Variants in TMEM52B observed in about 807,000 individuals in gnomAD.
The protein encoded by TMEM52B is chromosome 12 open reading frame 59.
A neutral mutation model predicts 16.1 loss-of-function variants in TMEM52B; 11 were observed. That is an observed-to-expected ratio of 0.68 (90% confidence interval 0.43 to 1.13). The LOEUF is 1.13. Among genes scored for constraint, TMEM52B ranks in the 50% most tolerant of loss-of-function variants. TMEM52B has a pLI of 0.00. For missense variants in TMEM52B, 243 were observed against 230.4 expected, an observed-to-expected ratio of 1.05 and a Z score of -0.35; for synonymous variants, 101 against 93.8, an observed-to-expected ratio of 1.08 and a Z score of -0.45.
In TMEM52B at chr12:10,191,554, T is replaced by C. The variant is rs4547190; in HGVS notation, c.*1414T>C. 143,397 of 152,200 alleles carry C rather than the reference T, an allele frequency of 0.94. 67,788 individuals are homozygous for C. The highest frequency in any genetic ancestry group is 1 in the East Asian group (5,184 of 5,186). 9.4% of individuals were successfully genotyped at this position (152,200 alleles called of 1,614,324 possible). ...TTAAAGCCGTTTTTTCCCTAAAAAATGGGAAATAATAACACCTCAGAAGGT... is the reference window on the plus strand; with the variant it reads ...TTAAAGCCGTTTTTTCCCTAAAAAACGGGAAATAATAACACCTCAGAAGGT... On this transcript the variant is annotated 3_prime_UTR_variant, in exon 5 of 5. Transcript: ENST00000543484.
chr12:10,183,957 G>C (rs1484836967), intron 2 of TMEM52B, among the ~76,000 whole-genome samples: 2 of 152,176 alleles, frequency 1.3e-5, no homozygotes, highest in Non-Finnish European at 2.9e-5. Context: ...GTGGCTGGCA[G>C]CCCCTAGGTA....
In TMEM52B at chr12:10,185,379, CT is replaced by C. The variant is rs1948868070; in HGVS notation, c.137+13del. 6.3e-7 allele frequency: 1 copy of C among 1,597,088 alleles called. No homozygotes were observed. The highest frequency in any genetic ancestry group is 1.1e-5 in the South Asian group (1 of 90,770). The stretch of plus-strand genomic sequence containing the variant: ...TCTCTGGTATATATGGTAAGTTTCA[CT>C]TATAATACCCAGAAAGACACTGTAT... On this transcript the variant is annotated intron_variant, in intron 3 of 4. Transcript: ENST00000543484.
upstream of TMEM52B, chr12:10,175,526 A>T (rs1948759384): frequency 6.6e-6 from 1 of 152,216 alleles, no homozygotes; most frequent in South Asian, 2.1e-4. Flanking sequence ...CTGCTCACAT[A>T]ATTTGTGGTG....
intron 1 of TMEM52B, chr12:10,172,199 T>A (rs1948728585): frequency 3.0e-6 from 2 of 671,414 alleles, no homozygotes; most frequent in East Asian, 2.7e-5. Context: ...AATGACTCAA[T>A]CATTGGTAGG....
chr12:10,188,885 C>A (rs11525574), intron 4 of TMEM52B, among the ~76,000 whole-genome samples: 47,247 of 151,510 alleles, frequency 0.31, 7,482 homozygotes, highest in Middle Eastern at 0.35. Context: ...GGCGTGGTGG[C>A]GGGCGCCTGT....
chr12:10,170,878 C>T (rs978150407), intron 1 of TMEM52B: 1 of 152,122 alleles, frequency 6.6e-6, no homozygotes, highest in African/African-American at 2.4e-5. Context: ...TCTATAGATT[C>T]TCTTTGTCCT....
chr12:10,180,491 C>T (rs1948810342), intron 1 of TMEM52B, among the ~76,000 whole-genome samples: 1 of 152,034 alleles, frequency 6.6e-6, no homozygotes, highest in South Asian at 2.1e-4. Flanking sequence ...AAGAAAGTAC[C>T]ATGGTTGCGT....
chr12:10,185,205 A>C, intron 2 of TMEM52B, 125 bp from the exon 3 acceptor site: 1 of 719,486 alleles, frequency 1.4e-6, no homozygotes, highest in Non-Finnish European at 2.4e-6. Context: ...TTTTAAAAAC[A>C]TAACCCATGG....
upstream of TMEM52B, among the ~76,000 whole-genome samples, chr12:10,175,015 A>G (rs1591986495): frequency 1.3e-5 from 2 of 152,294 alleles, no homozygotes; most frequent in Admixed American, 1.3e-4. Context: ...CTGTTTTTAA[A>G]GATCAGTGGG....
In TMEM52B at chr12:10,190,530, G is replaced by T; in HGVS notation, c.*390G>T. On this transcript the variant is annotated 3_prime_UTR_variant, in exon 5 of 5. Transcript: ENST00000543484. ...GGTTAACTGGAAAAGAAAGACAACA[G>T]TGTCAGCACAGCCATCGACATTAAT... The T allele has an allele frequency of 4.3e-6, 1 of 231,084 alleles. No individual in the cohort carries two copies. Among genetic ancestry groups the T allele is most frequent in the Non-Finnish European group, 8.8e-6 (1 of 113,864 alleles). 14.3% of individuals were successfully genotyped at this position (231,084 alleles called of 1,614,324 possible).
rs527365709 is a variant in TMEM52B, at chr12:10,181,349, T to C, written c.55-1201T>C. On this transcript the variant is annotated intron_variant, in intron 1 of 4. Transcript: ENST00000543484. Reference sequence around the variant, plus strand: ...GTACATTTGGTCACTTTTTTTTTTTTCCAAGATGGAGTCTTGCTCGCCTAG... The same window carrying C: ...GTACATTTGGTCACTTTTTTTTTTTCCCAAGATGGAGTCTTGCTCGCCTAG... Among the ~76,000 whole-genome samples, 484 of 143,624 alleles carry C rather than the reference T, an allele frequency of 3.4e-3. 1 individual carries two copies. Among genetic ancestry groups the C allele is most frequent in the African/African-American group, 0.011 (458 of 39,954 alleles). 94.2% of individuals were successfully genotyped at this position (143,624 alleles called of 152,430 possible).
At chr12:10,189,655 G>A (rs1223447792) in intron 4 of TMEM52B, among the ~76,000 whole-genome samples, 1 of 146,462 alleles carries the variant, frequency 6.8e-6, no homozygotes, top group Non-Finnish European at 1.5e-5. Flanking sequence ...GAGAGAGAGA[G>A]ATACAGAAAC....
At chr12:10,189,016 C>CAAAAAAAAAAAAAAAA in intron 4 of TMEM52B, among the ~76,000 whole-genome samples, 1 of 56,488 alleles carries the variant, frequency 1.8e-5, no homozygotes, top group Non-Finnish European at 2.9e-5. Context: ...GACTCCGTCT[C>CAAAAAAAAAAAAAAAA]AAAAAAAAAA....
chr12:10,185,400 C>A (rs1565427466), intron 3 of TMEM52B, 32 bp downstream of exon 3: 1 of 1,544,866 alleles, frequency 6.5e-7, no homozygotes, highest in East Asian at 2.2e-5. Context: ...CAGAAAGACA[C>A]TGTATTCCTC....
chr12:10,189,492 C>T (rs1242602186), intron 4 of TMEM52B, among the ~76,000 whole-genome samples: 4 of 151,462 alleles, frequency 2.6e-5, no homozygotes, highest in South Asian at 2.1e-4. Flanking sequence ...GGCATGGTGG[C>T]GGGCGCCTGT....
intron 1 of TMEM52B, among the ~76,000 whole-genome samples, chr12:10,181,610 G>C (rs934712114): frequency 1.1e-4 from 16 of 152,022 alleles, no homozygotes; most frequent in African/African-American, 3.4e-4. Flanking sequence ...TTACAGGCGT[G>C]AGCCACCACG....
chr12:10,171,126 T>C lies in TMEM52B; in HGVS notation c.-95+275T>C, dbSNP rs186888106. Among the ~76,000 whole-genome samples, 11 of 152,362 alleles carry C rather than the reference T, an allele frequency of 7.2e-5. No individual in the cohort carries two copies. In the East Asian group the frequency reaches 1.9e-3, roughly 27 times the overall value. On this transcript the variant is annotated intron_variant, in intron 1 of 5. Transcript: ENST00000381923. ...GGTTTTACCTATAAATATCAGCAGT[T>C]TTTATAGCAATTTAGTTCATTGGCT...
chr12:10,188,874 C>T (rs111848403), intron 4 of TMEM52B, among the ~76,000 whole-genome samples: 9 of 151,148 alleles, frequency 6.0e-5, no homozygotes, highest in Non-Finnish European at 1.3e-4. Context: ...AAAATTAGCT[C>T]GGCGTGGTGG....
chr12:10,182,813 T>A (rs1247738706), intron 2 of TMEM52B, among the ~76,000 whole-genome samples: 1 of 152,174 alleles, frequency 6.6e-6, no homozygotes, highest in Non-Finnish European at 1.5e-5. Context: ...CCAAAGCCAA[T>A]CTTCCCATCA....
Sources: gnomAD v4.1 joint callset for allele counts (sites outside exome capture counted in the v4.1 genomes callset) on GRCh38, gnomAD v4.1.1 for gene constraint, MANE v1.5 for transcripts, NCBI Gene and HGNC (gene_info 2026-07-23, HGNC 2026-07-21) for gene names.